Variants in PCDHA7 observed in about 807,000 individuals in gnomAD.
The protein encoded by PCDHA7 is protocadherin alpha-7.
Under a neutral mutation model 57.2 loss-of-function variants are expected in PCDHA7, and 37 were observed. That is an observed-to-expected ratio of 0.65 (90% CI 0.50 to 0.85). The LOEUF is 0.85. Among genes scored for constraint, PCDHA7 ranks in the 40% least tolerant of loss-of-function variants. The pLI is 0.00. For missense variants in PCDHA7, 1,188 were observed against 1,241.8 expected, an observed-to-expected ratio of 0.96 and a Z score of 0.65; for synonymous variants, 553 against 558.8, an observed-to-expected ratio of 0.99 and a Z score of 0.15.
Position 140,883,664 on chromosome 5 carries a change from G to A in PCDHA7, c.2355+46926G>A, listed in dbSNP as rs200846533. The A allele has an allele frequency of 6.7e-5, 108 of 1,613,836 alleles. No individual in the cohort carries two copies. Among genetic ancestry groups the A allele is most frequent in the Non-Finnish European group, 8.9e-5 (105 of 1,179,872 alleles). On this transcript the variant is annotated intron_variant, in intron 1 of 3. Transcript: ENST00000525929. ...GCCCGAGTACACGGTGTTCGTGAAG[G>A]AAAACAATCCGCCGGGCTGCCACAT... is the stretch of plus-strand genomic sequence containing the variant.
chr5:140,876,642 A>G (rs908095775), intron 1 of PCDHA7: 10 of 1,614,024 alleles, frequency 6.2e-6, no homozygotes, highest in African/African-American at 1.3e-5. Context: ...GCTCACTGAC[A>G]CCTCATGTTC....
intron 3 of PCDHA7, among the ~76,000 whole-genome samples, chr5:141,004,166 A>C (rs2098156060): frequency 6.6e-6 from 1 of 152,278 alleles, no homozygotes; most frequent in Non-Finnish European, 1.5e-5. Context: ...AGGCAAAGCC[A>C]GCCAAGTGTC....
chr5:140,878,627 T>C (rs2057676475), intron 1 of PCDHA7, among the ~76,000 whole-genome samples: 1 of 152,236 alleles, frequency 6.6e-6, no homozygotes, highest in Non-Finnish European at 1.5e-5. Flanking sequence ...TTACATATTT[T>C]AACTTTCTAT....
chr5:140,995,529 C>G (rs1191657600), intron 3 of PCDHA7, among the ~76,000 whole-genome samples: 1 of 152,078 alleles, frequency 6.6e-6, no homozygotes, highest in East Asian at 1.9e-4. Flanking sequence ...GAAATCAAAC[C>G]TCAAATAAGG....
Position 140,869,807 on chromosome 5 carries a change from T to C in PCDHA7, c.2355+33069T>C, listed in dbSNP as rs545569437. ...CGGCTGTTAGTCCAAGTCTTGGATGTCAACGACAATGATCCAGAGTTTGAT... is the reference window on the plus strand; with the variant it reads ...CGGCTGTTAGTCCAAGTCTTGGATGCCAACGACAATGATCCAGAGTTTGAT... On this transcript the variant is annotated intron_variant, in intron 1 of 3. Transcript: ENST00000525929. 8.1e-6 allele frequency: 13 copies of C among 1,612,544 alleles called. No individual in the cohort carries two copies. In the African/African-American group the frequency reaches 1.6e-4, roughly 20 times the overall value.
In PCDHA7 at chr5:140,927,982, G is replaced by T. The variant is rs114786796; in HGVS notation, c.2356-50967G>T. 280 of 1,614,224 alleles carry T rather than the reference G, an allele frequency of 1.7e-4. No individual in the cohort carries two copies. The African/African-American group carries it at 3.0e-3, about 17-fold the overall frequency. On this transcript the variant is annotated intron_variant, in intron 1 of 3. Transcript: ENST00000525929. ...TGGCACAGTGATTGCTCTCTTTAGT[G>T]TAAAGGATGAAGACCTCGATTCTAA...
At chr5:140,981,977 G>A (rs1321410399) in intron 2 of PCDHA7, among the ~76,000 whole-genome samples, 1 of 152,128 alleles carries the variant, frequency 6.6e-6, no homozygotes, top group African/African-American at 2.4e-5. Context: ...TATAGAAAGA[G>A]TAAAATAGAA....
Position 140,842,658 on chromosome 5 carries a change from C to G in PCDHA7, c.2355+5920C>G, listed in dbSNP as rs2150341323. 21 of 1,595,206 alleles carry G rather than the reference C, an allele frequency of 1.3e-5. 2 individuals are homozygous for G. The highest frequency in any genetic ancestry group is 2.7e-5 in the African/African-American group (2 of 74,162). On this transcript the variant is annotated intron_variant, in intron 1 of 3. Transcript: ENST00000525929. ...ACCGCCAGCTTGTCTGTGGAGGTGG[C>G]CGACGTGAACGACAATGCTCCGGCG...
chr5:140,870,082 C>A lies in PCDHA7; in HGVS notation c.2355+33344C>A, dbSNP rs1326686779. 1.9e-6 allele frequency: 3 copies of A among 1,613,708 alleles called. No individual in the cohort carries two copies. In the Admixed American group the frequency reaches 5.0e-5, roughly 27 times the overall value. ...AGTACAGGCTACAGATAAGGGGACT[C>A]CCCCAATGGCAGGTCACTGTACAGT... On this transcript the variant is annotated intron_variant, in intron 1 of 3. Transcript: ENST00000525929.
chr5:140,967,084 T>G (rs782593106), intron 1 of PCDHA7: 1 of 1,613,270 alleles, frequency 6.2e-7, no homozygotes, highest in Admixed American at 1.7e-5. Context: ...AGCGCATTGA[T>G]CGGGAGGCGC....
chr5:140,927,169 T>A, intron 1 of PCDHA7: 1 of 1,614,172 alleles, frequency 6.2e-7, no homozygotes, highest in Non-Finnish European at 8.5e-7. Context: ...CAAAGCTGCC[T>A]GCGTCTTGAC....
Position 140,875,657 on chromosome 5 carries a change from G to T in PCDHA7, c.2355+38919G>T, listed in dbSNP as rs1241102848. 6 of 1,613,738 alleles carry T rather than the reference G, an allele frequency of 3.7e-6. No homozygotes were observed. The East Asian group carries it at 1.1e-4, about 30-fold the overall frequency. Reference sequence around the variant, plus strand: ...CTGGAGCTGGCGGAGCTGGTGCCGCGCCTGTTCCGGGTGGCGTCCAAAAGA... The same window carrying T: ...CTGGAGCTGGCGGAGCTGGTGCCGCTCCTGTTCCGGGTGGCGTCCAAAAGA... On this transcript the variant is annotated intron_variant, in intron 1 of 3. Coordinates refer to ENST00000525929, the MANE Select transcript of PCDHA7 (RefSeq NM_018910.3).
chr5:140,857,566 C>G, intron 1 of PCDHA7: 1 of 1,596,798 alleles, frequency 6.3e-7, no homozygotes, highest in South Asian at 1.1e-5. Flanking sequence ...TGTCGAGCTA[C>G]GTGTCGGTGC....
chr5:140,841,617 G>C, intron 1 of PCDHA7: 2 of 1,614,152 alleles, frequency 1.2e-6, no homozygotes, highest in Non-Finnish European at 1.7e-6. Flanking sequence ...TGCGGGCGGA[G>C]CGCGGAGTGC....
At chr5:140,909,472 G>A (rs2074524054) in intron 1 of PCDHA7, among the ~76,000 whole-genome samples, 1 of 152,168 alleles carries the variant, frequency 6.6e-6, no homozygotes, top group South Asian at 2.1e-4. Context: ...CTTCTTCACA[G>A]GCTAAATAGG....
intron 1 of PCDHA7, chr5:140,926,803 C>T (rs2083562434): frequency 6.9e-7 from 1 of 1,454,300 alleles, no homozygotes; most frequent in Non-Finnish European, 9.0e-7. Flanking sequence ...GTGCTCTTCC[C>T]CGCGGCTCGT....
At chr5:140,993,434 AT>A (rs1243337816) in intron 3 of PCDHA7, among the ~76,000 whole-genome samples, 2 of 150,146 alleles carry the variant, frequency 1.3e-5, no homozygotes, top group Non-Finnish European at 3.0e-5. Flanking sequence ...TAAAATCCTT[AT>A]TCATTCCTGT....
intron 1 of PCDHA7, among the ~76,000 whole-genome samples, chr5:140,939,849 G>A (rs1554212970): frequency 6.6e-6 from 1 of 152,134 alleles, no homozygotes; most frequent in Non-Finnish European, 1.5e-5. Context: ...GTTGTGTTCT[G>A]TATATGTCCA....
At position 140,856,169 on chromosome 5, in the gene PCDHA7, G is replaced by T. The variant is rs200441286; in HGVS notation, c.2355+19431G>T. ...CTCAGTCTACGAGGAGGCCAGACACGGCACCTTCGTGGGCCGCATCGCGCA... is the reference window on the plus strand; with the variant it reads ...CTCAGTCTACGAGGAGGCCAGACACTGCACCTTCGTGGGCCGCATCGCGCA... On this transcript the variant is annotated intron_variant, in intron 1 of 3. Transcript: ENST00000525929. 11 of 1,598,346 alleles carry T rather than the reference G, an allele frequency of 6.9e-6. 2 individuals are homozygous for T. Among genetic ancestry groups the T allele is most frequent in the Admixed American group, 1.7e-5 (1 of 59,282 alleles).
Sources: gnomAD v4.1 joint callset for allele counts (sites outside exome capture counted in the v4.1 genomes callset) on GRCh38, gnomAD v4.1.1 for gene constraint, MANE v1.5 for transcripts, NCBI Gene and HGNC (gene_info 2026-07-23, HGNC 2026-07-21) for gene names.